The following KIF13A variants were observed in gnomAD, a reference collection of about 807,000 sequenced individuals.
KIF13A encodes the protein kinesin family member 13A, also known as kinesin-like protein KIF13A.
In KIF13A, 79 loss-of-function variants were observed where a neutral mutation model predicts 212.2. That is an observed-to-expected ratio of 0.37 (90% CI 0.31 to 0.45). The LOEUF is 0.45. KIF13A is among the 20% of genes least tolerant of loss of function. KIF13A has a pLI of 1.00. For synonymous variants in KIF13A, 789 were observed against 808.6 expected (o/e 0.98, Z 0.41); for missense variants, 1,901 against 2,209.0 (o/e 0.86, Z 2.79).
At position 17,794,982 on chromosome 6, in the gene KIF13A, A is replaced by G. The variant is rs1761908000; in HGVS notation, c.2943-278T>C. ...AGTGTAACCTGCCCTATCACCTCAG[A>G]AAGTTTGCTCATATGCATTCCCATT... On this transcript the variant is annotated intron_variant, in intron 23 of 38. Transcript: ENST00000259711. The surrounding 1 kb of genome is among the most constrained non-coding windows in gnomAD (Gnocchi z 4.1). 3.1e-6 allele frequency: 1 copy of G among 322,936 alleles called. No homozygotes were observed. Among genetic ancestry groups the G allele is most frequent in the Non-Finnish European group, 5.6e-6 (1 of 177,160 alleles). 20.0% of individuals were successfully genotyped at this position (322,936 alleles called of 1,614,324 possible). A position where few individuals can be genotyped will look rare whatever the true frequency, so the allele number is the denominator to read the frequency against.
chr6:17,940,036 C>T (rs1392218913), intron 2 of KIF13A, among the ~76,000 whole-genome samples: 3 of 130,066 alleles, frequency 2.3e-5, no homozygotes, highest in Non-Finnish European at 4.9e-5. Flanking sequence ...AGCGAGACTC[C>T]GTCTCATAAA....
Position 17,828,625 on chromosome 6 carries a change from T to C in KIF13A, c.1402-255A>G, listed in dbSNP as rs1053975491. Among the ~76,000 whole-genome samples the C allele has an allele frequency of 3.9e-5, 6 of 152,128 alleles. No individual in the cohort carries two copies. In the East Asian group the frequency reaches 5.8e-4, roughly 15 times the overall value. On this transcript the variant is annotated intron_variant, in intron 13 of 38. Coordinates refer to ENST00000259711, the MANE Select transcript of KIF13A (RefSeq NM_022113.6). This position sits in a 1 kb window ranked among gnomAD's most constrained non-coding sequence, Gnocchi z 4.3. ...TAGTTATTGTTTTTAACACAGGAAA[T>C]TGGACTTGACAGTAGAATACTTTGA...
intron 38 of KIF13A, chr6:17,770,361 A>ATTTTTTTTTTTTTTTTTTTTTTT (rs200616640): frequency 2.0e-4 from 24 of 119,442 alleles, no homozygotes; most frequent in Non-Finnish European, 3.1e-4. Flanking sequence ...AATAAACAGG[A>ATTTTTTTTTTTTTTTTTTTTTTT]TTTTTTTTTT....
At chr6:17,942,703 C>T (rs749336785) in intron 2 of KIF13A, among the ~76,000 whole-genome samples, 83 of 152,236 alleles carry the variant, frequency 5.5e-4, no homozygotes, top group Non-Finnish European at 7.6e-4. Context: ...TTAGGCCGGG[C>T]GCAGTGGCTC....
chr6:17,848,949 ACT>A (rs1202758192), intron 9 of KIF13A, among the ~76,000 whole-genome samples: 1 of 151,312 alleles, frequency 6.6e-6, no homozygotes, highest in African/African-American at 2.4e-5. Context: ...AGATAGTCTC[ACT>A]CTGTTGCCCA....
Position 17,805,559 on chromosome 6 carries a change from G to C in KIF13A, c.2220C>G (p.Thr740=). The C allele has an allele frequency of 1.2e-6, 2 of 1,613,226 alleles. No individual in the cohort carries two copies. The highest frequency in any genetic ancestry group is 2.2e-5 in the East Asian group (1 of 44,862). ...AIQVRRKGKS[T]QVWTIEKLEN... ...CCAGCTTCTCAATGGTCCACACTTGGGTGCTCTTTCCTTTCCTCCTCACTT... is the reference window on the plus strand; with the variant it reads ...CCAGCTTCTCAATGGTCCACACTTGCGTGCTCTTTCCTTTCCTCCTCACTT... Residue 740 remains threonine, a synonymous_variant, in exon 19 of 39, where the codon ACC becomes ACG. Coordinates refer to ENST00000259711, the MANE Select transcript of KIF13A (RefSeq NM_022113.6).
intron 2 of KIF13A, among the ~76,000 whole-genome samples, chr6:17,924,134 AAT>A (rs1361301093): frequency 6.6e-6 from 1 of 152,234 alleles, no homozygotes; most frequent in African/African-American, 2.4e-5. Flanking sequence ...TCACTGAATA[AAT>A]ATATGTTAAA....
intron 2 of KIF13A, among the ~76,000 whole-genome samples, chr6:17,931,521 T>C (rs528470801): frequency 1.3e-5 from 2 of 152,324 alleles, no homozygotes; most frequent in African/African-American, 4.8e-5. Flanking sequence ...GGACACAAAA[T>C]ATTGCATTCT....
At chr6:17,923,074 C>T (rs1222601065) in intron 2 of KIF13A, among the ~76,000 whole-genome samples, 2 of 151,828 alleles carry the variant, frequency 1.3e-5, no homozygotes, top group African/African-American at 4.8e-5. Context: ...AAGTTCAAGA[C>T]CAGCCTGGGC....
In KIF13A at chr6:17,808,823, G is replaced by A; in HGVS notation, c.2108C>T (p.Thr703Ile). Residue 703 changes from threonine (T) to isoleucine (I), a missense_variant, in exon 18 of 39, where the codon ACC becomes ATC. Physicochemically the swap from Thr to Ile is moderately conservative, Grantham distance 89 (BLOSUM62 -1). Transcript: ENST00000259711. ...GATCTGAAGAGTCACTTGGTAATCG[G>A]TGAGTTTGCTCATTTCCTCAGCCAG... is the stretch of plus-strand genomic sequence containing the variant. Reference protein sequence around the residue: ...NFLAEEMSKLTDYQVTLQIPA... With the variant: ...NFLAEEMSKLIDYQVTLQIPA... 1 of 1,613,862 alleles carries A rather than the reference G, an allele frequency of 6.2e-7. No individual in the cohort carries two copies.
rs1760998591 is a variant in KIF13A at position 17,785,709 on chromosome 6, T to C, written c.3362-68A>G. On this transcript the variant is annotated intron_variant, in intron 27 of 38. Coordinates refer to ENST00000259711, the MANE Select transcript of KIF13A (RefSeq NM_022113.6). The surrounding 1 kb of genome is among the most constrained non-coding windows in gnomAD (Gnocchi z 5.8). The stretch of plus-strand genomic sequence containing the variant: ...GTATGACTTCTCAGTTTACAAGGAA[T>C]AGATTTCAGCCTGGGCAACATAGTG... 6 of 1,538,842 alleles carry C rather than the reference T, an allele frequency of 3.9e-6. No individual in the cohort carries two copies. Among genetic ancestry groups the C allele is most frequent in the Non-Finnish European group, 5.3e-6 (6 of 1,134,938 alleles).
At chr6:17,983,425 G>A (rs1469330700) in intron 2 of KIF13A, among the ~76,000 whole-genome samples, 1 of 150,748 alleles carries the variant, frequency 6.6e-6, no homozygotes, top group Non-Finnish European at 1.5e-5. Context: ...TCATTCCATT[G>A]CTCCCTTCAC....
intron 2 of KIF13A, among the ~76,000 whole-genome samples, chr6:17,905,731 G>T (rs1220356613): frequency 6.6e-6 from 1 of 152,098 alleles, no homozygotes; most frequent in Non-Finnish European, 1.5e-5. Flanking sequence ...TCCCAATAGG[G>T]GGAATCATCT....
chr6:17,771,010 G>T lies in KIF13A; in HGVS notation c.4581+104C>A. 1.4e-6 allele frequency: 1 copy of T among 740,592 alleles called. No homozygotes were observed. The highest frequency in any genetic ancestry group is 1.8e-5 in the South Asian group (1 of 55,672). 45.9% of individuals were successfully genotyped at this position (740,592 alleles called of 1,614,324 possible). ...ACATTTTTATTTTCTTTAAGACAAA[G>T]ACCCAATACATGTCTTAATTTCTTC... On this transcript the variant is annotated intron_variant, in intron 38 of 38. Coordinates refer to ENST00000259711, the MANE Select transcript of KIF13A (RefSeq NM_022113.6). This position sits in a 1 kb window ranked among gnomAD's most constrained non-coding sequence, Gnocchi z 5.4.
Position 17,817,009 on chromosome 6 carries a change from G to A in KIF13A, c.2000+11C>T. The A allele has an allele frequency of 6.2e-7, 1 of 1,605,028 alleles. No individual in the cohort carries two copies. Among genetic ancestry groups the A allele is most frequent in the Non-Finnish European group, 8.5e-7 (1 of 1,176,608 alleles). On this transcript the variant is annotated intron_variant, in intron 17 of 38. Transcript: ENST00000259711. Reference sequence around the variant, plus strand: ...GCCTTGACTCTGGGCTGCCCCCGCTGCAGTTCTTACCTCTCTTCTGCCCAC... The same window carrying A: ...GCCTTGACTCTGGGCTGCCCCCGCTACAGTTCTTACCTCTCTTCTGCCCAC...
At position 17,772,133 on chromosome 6, in the gene KIF13A, C is replaced by T; in HGVS notation, c.4325-74G>A. The T allele has an allele frequency of 7.3e-7, 1 of 1,378,180 alleles. No homozygotes were observed. The highest frequency in any genetic ancestry group is 1.2e-5 in the South Asian group (1 of 82,320). The allele number at this position is 1,378,180 out of a possible 1,614,324, so 85.4% of individuals were successfully genotyped here. A position where few individuals can be genotyped will look rare whatever the true frequency, so the allele number is the denominator to read the frequency against. On this transcript the variant is annotated intron_variant, in intron 36 of 38. Transcript: ENST00000259711. This position sits in a 1 kb window ranked among gnomAD's most constrained non-coding sequence, Gnocchi z 4.8. ...CAAAACATAGGAACTGAGACAATGA[C>T]CCAGCCATGGGAATATCTGGGAGAA...
At position 17,924,491 on chromosome 6, in the gene KIF13A, A is replaced by G. The variant is rs534444233; in HGVS notation, c.147-26311T>C. ...TGAATTAATCAATAAAAGTGCTTCT[A>G]TAAGTAAACTGCAGATTTTTTAGTC... is the stretch of plus-strand genomic sequence containing the variant. On this transcript the variant is annotated intron_variant, in intron 2 of 38. Transcript: ENST00000259711. Among the ~76,000 whole-genome samples the G allele has an allele frequency of 3.3e-5, 5 of 152,344 alleles. No homozygotes were observed. In the East Asian group the frequency reaches 5.8e-4, roughly 18 times the overall value.
chr6:17,835,152 C>A (rs1236624135), intron 11 of KIF13A, among the ~76,000 whole-genome samples: 2 of 132,584 alleles, frequency 1.5e-5, no homozygotes, highest in Admixed American at 1.9e-4. Context: ...TGCCACTGCA[C>A]TCCAGCCCGG....
At chr6:17,821,443 A>G (rs1764423149) in intron 16 of KIF13A, among the ~76,000 whole-genome samples, 1 of 152,178 alleles carries the variant, frequency 6.6e-6, no homozygotes, top group South Asian at 2.1e-4. Context: ...AAAGCCATCG[A>G]TAACAGCAGT....
Sources: gnomAD v4.1 joint callset for allele counts (sites outside exome capture counted in the v4.1 genomes callset) on GRCh38, gnomAD v4.1.1 for gene constraint, Gnocchi (gnomAD v3.1) non-coding constraint, MANE v1.5 for transcripts, NCBI Gene and HGNC (gene_info 2026-07-23, HGNC 2026-07-21) for gene names.